SLC24A2: variants seen among roughly 807,000 people sequenced by gnomAD.
The protein encoded by SLC24A2 is sodium/potassium/calcium exchanger 2.
Under a neutral mutation model 62.0 loss-of-function variants are expected in SLC24A2, and 36 were observed. The ratio of observed to expected loss-of-function variants is 0.58; its 90% CI spans 0.44 to 0.77. The LOEUF is 0.77. SLC24A2 is among the 30% of genes least tolerant of loss of function. SLC24A2 has a pLI of 0.00. For missense variants in SLC24A2, 846 were observed against 817.9 expected, an observed-to-expected ratio of 1.03 and a Z score of -0.42; for synonymous variants, 358 against 294.0, an observed-to-expected ratio of 1.22 and a Z score of -2.23.
chr9:20,186,502 C>G, the SLC24A2 span, among the ~76,000 whole-genome samples: 1 of 152,308 alleles, frequency 6.6e-6, no homozygotes, highest in East Asian at 1.9e-4. Flanking sequence ...CCTCCCTACT[C>G]CAACACATTG....
At chr9:19,752,875 T>C (rs1822027501) in intron 2 of SLC24A2, among the ~76,000 whole-genome samples, 1 of 152,158 alleles carries the variant, frequency 6.6e-6, no homozygotes, top group Non-Finnish European at 1.5e-5. Context: ...CCAAGCCAGA[T>C]TCTGACCCAA....
At chr9:20,088,432 C>T in the SLC24A2 span, among the ~76,000 whole-genome samples, 33 of 152,162 alleles carry the variant, frequency 2.2e-4, no homozygotes, top group Non-Finnish European at 3.5e-4. Context: ...TCTATGAAGA[C>T]GTGGCCAGAC....
At chr9:19,877,011 T>C in the SLC24A2 span, among the ~76,000 whole-genome samples, 11 of 152,084 alleles carry the variant, frequency 7.2e-5, no homozygotes, top group Non-Finnish European at 1.6e-4. Context: ...ATGGAAAACT[T>C]TGGACAATAT....
At chr9:19,973,888 T>C in the SLC24A2 span, among the ~76,000 whole-genome samples, 3 of 152,334 alleles carry the variant, frequency 2.0e-5, no homozygotes, top group East Asian at 3.9e-4. Context: ...ATTTTAAAAA[T>C]TGACTAGCTA....
chr9:19,565,283 C>G (rs1227128663), intron 7 of SLC24A2, among the ~76,000 whole-genome samples: 1 of 149,872 alleles, frequency 6.7e-6, no homozygotes, highest in African/African-American at 2.5e-5. Context: ...GATACAAAAT[C>G]AATGTGCAAA....
chr9:19,791,708 T>C (rs1278760457), upstream of SLC24A2, among the ~76,000 whole-genome samples: 2 of 152,208 alleles, frequency 1.3e-5, no homozygotes, highest in East Asian at 1.9e-4. Context: ...ACAGACCTTA[T>C]TGCCTAGTCA....
chr9:20,252,673 G>C, the SLC24A2 span, among the ~76,000 whole-genome samples: 1 of 152,240 alleles, frequency 6.6e-6, no homozygotes, highest in Non-Finnish European at 1.5e-5. Flanking sequence ...ACTCAGGTTT[G>C]GATGAATTGA....
the SLC24A2 span, among the ~76,000 whole-genome samples, chr9:20,107,260 C>T: frequency 1.3e-5 from 2 of 151,968 alleles, no homozygotes; most frequent in African/African-American, 4.8e-5. Context: ...GTGAAAATGG[C>T]CATACTGTCC....
the SLC24A2 span, among the ~76,000 whole-genome samples, chr9:20,045,053 T>C: frequency 6.6e-6 from 1 of 152,224 alleles, no homozygotes; most frequent in Admixed American, 6.5e-5. Context: ...GTGCTCAGTA[T>C]ATTTTTGTTG....
chr9:20,088,626 C>G, the SLC24A2 span, among the ~76,000 whole-genome samples: 1 of 152,150 alleles, frequency 6.6e-6, no homozygotes, highest in African/African-American at 2.4e-5. Flanking sequence ...CTGTTGTTGT[C>G]TTTGGGCTTT....
the SLC24A2 span, among the ~76,000 whole-genome samples, chr9:19,862,335 A>G: frequency 6.6e-6 from 1 of 152,148 alleles, no homozygotes; most frequent in Non-Finnish European, 1.5e-5. Context: ...CTAGAATAGT[A>G]TATCTGGAGA....
intron 9 of SLC24A2, 76 bp downstream of exon 9, chr9:19,527,973 A>C: frequency 1.1e-6 from 1 of 939,670 alleles, no homozygotes; most frequent in Non-Finnish European, 1.7e-6. Flanking sequence ...TGCAGAAAGC[A>C]AACACAATGA....
chr9:19,823,546 T>C, the SLC24A2 span, among the ~76,000 whole-genome samples: 1 of 151,996 alleles, frequency 6.6e-6, no homozygotes, highest in Non-Finnish European at 1.5e-5. Context: ...GGAAAATCGT[T>C]TGAACCAGGG....
chr9:19,657,821 G>A (rs1818985186), intron 2 of SLC24A2, among the ~76,000 whole-genome samples: 1 of 152,010 alleles, frequency 6.6e-6, no homozygotes, highest in African/African-American at 2.4e-5. Context: ...TTGGACTCCT[G>A]GACTGAAGCA....
the SLC24A2 span, among the ~76,000 whole-genome samples, chr9:20,245,862 T>C: frequency 2.5e-4 from 38 of 152,174 alleles, no homozygotes; most frequent in Non-Finnish European, 5.4e-4. Context: ...TTATTTAACC[T>C]TCAAGACTAC....
intron 2 of SLC24A2, among the ~76,000 whole-genome samples, chr9:19,652,505 C>T (rs1374895846): frequency 1.3e-5 from 2 of 152,006 alleles, no homozygotes; most frequent in Admixed American, 6.6e-5. Context: ...TGGAGTGATG[C>T]ACTTTGAAGA....
intron 7 of SLC24A2, among the ~76,000 whole-genome samples, chr9:19,567,792 G>C (rs1474125788): frequency 6.6e-6 from 1 of 151,608 alleles, no homozygotes; most frequent in African/African-American, 2.4e-5. Context: ...GCAGTTATTG[G>C]GAAAAGCTAG....
At chr9:19,722,015 A>G (rs570647337) in intron 2 of SLC24A2, among the ~76,000 whole-genome samples, 48 of 152,268 alleles carry the variant, frequency 3.2e-4, no homozygotes, top group Non-Finnish European at 4.9e-4. Context: ...CAAATTCCTC[A>G]TACCCCATTG....
At position 19,624,202 on chromosome 9, in the gene SLC24A2, T is replaced by C. The variant is rs16937665; in HGVS notation, c.931-1903A>G. Among the ~76,000 whole-genome samples, 1,518 of 152,242 alleles carry C rather than the reference T, an allele frequency of 1.0e-2. 38 individuals carry two copies. The highest frequency in any genetic ancestry group is 0.097 in the East Asian group (501 of 5,172). ...GGGCAGCAAGCTCAGCCTTTAGACA[T>C]ACATTGAGATTAACCGTCAGAGCAC... On this transcript the variant is annotated intron_variant, in intron 2 of 10. Coordinates refer to ENST00000341998, the MANE Select transcript of SLC24A2 (RefSeq NM_020344.4).
Sources: gnomAD v4.1 joint callset for allele counts (sites outside exome capture counted in the v4.1 genomes callset) on GRCh38, gnomAD v4.1.1 for gene constraint, MANE v1.5 for transcripts, NCBI Gene and HGNC (gene_info 2026-07-23, HGNC 2026-07-21) for gene names.